KLRF1: variants seen among roughly 807,000 people sequenced by gnomAD.
The protein encoded by KLRF1 is killer cell lectin like receptor F1.
A neutral mutation model predicts 30.7 loss-of-function variants in KLRF1; 27 were observed. The observed-to-expected ratio is 0.88, with a 90% CI of 0.65 to 1.21. The LOEUF (loss-of-function observed/expected upper bound fraction) is 1.21, where lower values mean the gene tolerates loss of function less well. Among genes scored for constraint, KLRF1 ranks in the 50% most tolerant of loss-of-function variants. KLRF1 has a pLI of 0.00. For synonymous variants in KLRF1, 92 were observed against 89.3 expected (o/e 1.03, Z -0.17); for missense variants, 246 against 259.3 (o/e 0.95, Z 0.35).
At chr12:9,820,996 T>C in the KLRF1 span, among the ~76,000 whole-genome samples, 149,406 of 152,174 alleles carry the variant, frequency 0.98, 73,394 homozygotes, top group East Asian at 1. Flanking sequence ...TGGTAGTGGC[T>C]CAGAGTTCCC....
At chr12:9,837,458 G>A (rs1867604211) in intron 3 of KLRF1, among the ~76,000 whole-genome samples, 1 of 151,932 alleles carries the variant, frequency 6.6e-6, no homozygotes, top group African/African-American at 2.4e-5. Context: ...TGTGTGCAGA[G>A]CTTAAAGGTC....
At chr12:9,808,778 G>T in the KLRF1 span, among the ~76,000 whole-genome samples, 2 of 152,240 alleles carry the variant, frequency 1.3e-5, no homozygotes, top group East Asian at 1.9e-4. Flanking sequence ...ATGCTAGAAT[G>T]ACCTCGTATT....
At chr12:9,835,657 A>G (rs1161960239) in intron 3 of KLRF1, among the ~76,000 whole-genome samples, 6 of 152,082 alleles carry the variant, frequency 3.9e-5, no homozygotes, top group African/African-American at 7.2e-5. Context: ...GAAGGCTCCA[A>G]TTGTTTCGGT....
the KLRF1 span, among the ~76,000 whole-genome samples, chr12:9,810,411 C>T: frequency 1.3e-5 from 2 of 151,940 alleles, no homozygotes; most frequent in African/African-American, 4.8e-5. Context: ...TTAAATTCCT[C>T]TCCAAGATAG....
the KLRF1 span, among the ~76,000 whole-genome samples, chr12:9,801,249 G>A: frequency 6.6e-5 from 10 of 151,942 alleles, no homozygotes; most frequent in Admixed American, 6.6e-4. Flanking sequence ...GTCTATCATT[G>A]ATGGGCATTT....
At chr12:9,816,794 C>T in the KLRF1 span, among the ~76,000 whole-genome samples, 12 of 147,928 alleles carry the variant, frequency 8.1e-5, no homozygotes, top group Admixed American at 3.4e-4. Flanking sequence ...AGTGCAGTGG[C>T]GCGATCTCGG....
At position 9,844,784 on chromosome 12, in the gene KLRF1, G is replaced by A. The variant is rs1442712794; in HGVS notation, c.*258G>A. ...ATCATATCCAGGATTTTTATTCGTC[G>A]CTTATTTTATGCCAAATGTGATCAA... On this transcript the variant is annotated 3_prime_UTR_variant, in exon 6 of 6. Coordinates refer to ENST00000617889, the MANE Select transcript of KLRF1 (RefSeq NM_016523.3). The A allele has an allele frequency of 2.8e-5, 6 of 211,046 alleles. No individual in the cohort carries two copies. Among genetic ancestry groups the A allele is most frequent in the African/African-American group, 9.2e-5 (4 of 43,438 alleles). 13.1% of individuals were successfully genotyped at this position (211,046 alleles called of 1,614,324 possible).
intron 5 of KLRF1, among the ~76,000 whole-genome samples, chr12:9,844,033 T>C (rs749919349): frequency 1.3e-5 from 2 of 152,158 alleles, no homozygotes; most frequent in Non-Finnish European, 2.9e-5. Flanking sequence ...ATATAACTGC[T>C]AAACAATATC....
intron 3 of KLRF1, among the ~76,000 whole-genome samples, chr12:9,834,640 C>G (rs915832795): frequency 6.6e-6 from 1 of 151,944 alleles, no homozygotes; most frequent in Non-Finnish European, 1.5e-5. Context: ...ACGGCAGATA[C>G]AAGGTCCGAA....
At chr12:9,842,819 A>G (rs1867734946) in intron 5 of KLRF1, among the ~76,000 whole-genome samples, 1 of 152,140 alleles carries the variant, frequency 6.6e-6, no homozygotes, top group Non-Finnish European at 1.5e-5. Context: ...GAACAAGATT[A>G]TCCAAAAGTC....
intron 3 of KLRF1, among the ~76,000 whole-genome samples, chr12:9,838,537 C>T (rs112002083): frequency 7.9e-5 from 12 of 152,214 alleles, no homozygotes; most frequent in Non-Finnish European, 1.2e-4. Context: ...ACACTATTGG[C>T]GGGCACCACG....
At chr12:9,832,457 T>C (rs746295711) in intron 2 of KLRF1, 43 bp downstream of exon 2, 68 of 1,062,002 alleles carry the variant, frequency 6.4e-5, no homozygotes, top group Admixed American at 1.9e-4. Context: ...ATGAAAGATG[T>C]TTACTTGTCT....
At chr12:9,811,933 T>C in the KLRF1 span, among the ~76,000 whole-genome samples, 3 of 152,224 alleles carry the variant, frequency 2.0e-5, no homozygotes, top group African/African-American at 7.2e-5. Flanking sequence ...GATGGTGTTT[T>C]AACATTAAAT....
chr12:9,830,599 A>G (rs779573855), intron 1 of KLRF1, among the ~76,000 whole-genome samples: 18 of 152,162 alleles, frequency 1.2e-4, no homozygotes, highest in African/African-American at 4.1e-4. Context: ...ACATAAAGAT[A>G]TAAGATTTTA....
the KLRF1 span, among the ~76,000 whole-genome samples, chr12:9,810,204 A>T: frequency 4.6e-5 from 7 of 152,194 alleles, no homozygotes; most frequent in African/African-American, 1.7e-4. Flanking sequence ...ATGTTCTCAT[A>T]GTCAAATGTG....
At chr12:9,815,873 C>T in the KLRF1 span, among the ~76,000 whole-genome samples, 2 of 152,196 alleles carry the variant, frequency 1.3e-5, no homozygotes, top group Non-Finnish European at 2.9e-5. Flanking sequence ...GGCTGGAGTG[C>T]AATGGCGTGA....
upstream of KLRF1, among the ~76,000 whole-genome samples, chr12:9,825,735 C>T (rs939777274): frequency 4.6e-5 from 7 of 152,158 alleles, no homozygotes; most frequent in Non-Finnish European, 8.8e-5. Context: ...AACAGATAAT[C>T]TACAGAATGG....
At chr12:9,839,276 G>A (rs1017667477) in intron 3 of KLRF1, among the ~76,000 whole-genome samples, 2 of 151,968 alleles carry the variant, frequency 1.3e-5, no homozygotes, top group African/African-American at 2.4e-5. Context: ...GGACTCTTAC[G>A]AGTACTAATC....
intron 3 of KLRF1, among the ~76,000 whole-genome samples, chr12:9,836,103 G>T (rs552064678): frequency 3.9e-5 from 6 of 152,046 alleles, no homozygotes; most frequent in Non-Finnish European, 8.8e-5. Flanking sequence ...ATTAGAAATG[G>T]CTAGGAGAGA....
Sources: allele counts gnomAD v4.1 joint callset (sites outside exome capture counted in the v4.1 genomes callset), GRCh38; gene constraint gnomAD v4.1.1; transcripts MANE v1.5; gene names NCBI Gene and HGNC (gene_info 2026-07-23, HGNC 2026-07-21).